Variants in GRIK1 observed in about 807,000 individuals in gnomAD.
The protein encoded by GRIK1 is glutamate ionotropic receptor kainate type subunit 1.
A neutral mutation model predicts 105.7 loss-of-function variants in GRIK1; 69 were observed. The observed-to-expected ratio is 0.65, with a 90% CI of 0.54 to 0.80. The LOEUF is 0.80. Among genes scored for constraint, GRIK1 ranks in the 30% least tolerant of loss-of-function variants. GRIK1 has a pLI of 0.00. For synonymous variants in GRIK1, 438 were observed against 431.3 expected (o/e 1.02, Z -0.19); for missense variants, 1,109 against 1,167.3 (o/e 0.95, Z 0.73).
chr21:29,777,925 G>GA (rs2065992412), intron 1 of GRIK1, among the ~76,000 whole-genome samples: 1 of 152,228 alleles, frequency 6.6e-6, no homozygotes, highest in Non-Finnish European at 1.5e-5. Flanking sequence ...AGAGCTAGAG[G>GA]ATGGAGCCCT....
chr21:29,632,649 A>C (rs1183212103), intron 7 of GRIK1, among the ~76,000 whole-genome samples: 1 of 141,624 alleles, frequency 7.1e-6, no homozygotes, highest in Non-Finnish European at 1.5e-5. Flanking sequence ...GTACACATAC[A>C]TACACACATA....
At chr21:29,930,650 A>G (rs79795705) in intron 1 of GRIK1, among the ~76,000 whole-genome samples, 6,296 of 152,334 alleles carry the variant, frequency 0.041, 216 homozygotes, top group Non-Finnish European at 0.063. Flanking sequence ...GGTAAATTAT[A>G]TTTAAGTACA....
intron 1 of GRIK1, among the ~76,000 whole-genome samples, chr21:29,845,972 T>C (rs1363915234): frequency 2.0e-5 from 3 of 152,186 alleles, no homozygotes; most frequent in Non-Finnish European, 4.4e-5. Flanking sequence ...CTCAGAAGTC[T>C]GTGGATTCAC....
intron 1 of GRIK1, among the ~76,000 whole-genome samples, chr21:29,864,099 A>AT (rs896004888): frequency 0.011 from 1,650 of 143,948 alleles, 10 homozygotes; most frequent in Admixed American, 0.013. Context: ...TATTTAACAG[A>AT]TTTTTTTTTT....
At chr21:29,738,313 C>T (rs7275808) in intron 1 of GRIK1, among the ~76,000 whole-genome samples, 3,079 of 152,292 alleles carry the variant, frequency 0.02, 110 homozygotes, top group African/African-American at 0.071. Flanking sequence ...CTTATAAAGC[C>T]ATCTTTAATA....
intron 1 of GRIK1, among the ~76,000 whole-genome samples, chr21:29,739,224 G>C (rs895808137): frequency 6.6e-6 from 1 of 152,188 alleles, no homozygotes; most frequent in Non-Finnish European, 1.5e-5. Flanking sequence ...AGATAGGATG[G>C]TCCAGGTAGG....
chr21:29,542,082 G>T (rs1292032769), intron 16 of GRIK1, among the ~76,000 whole-genome samples: 2 of 151,906 alleles, frequency 1.3e-5, no homozygotes, highest in Admixed American at 1.3e-4. Flanking sequence ...AAAGGAAATG[G>T]AGAAACACAA....
chr21:29,638,782 T>C (rs2146512435), intron 7 of GRIK1, among the ~76,000 whole-genome samples: 1 of 152,316 alleles, frequency 6.6e-6, no homozygotes, highest in African/African-American at 2.4e-5. Context: ...TGGAAAACTG[T>C]TTTTCATTTT....
At chr21:29,834,662 A>G (rs968097197) in intron 1 of GRIK1, among the ~76,000 whole-genome samples, 2 of 151,270 alleles carry the variant, frequency 1.3e-5, no homozygotes, top group Non-Finnish European at 2.9e-5. Context: ...TCTAATATAT[A>G]ACATAGCAAT....
chr21:29,590,877 AGT>A (rs2061322988), intron 10 of GRIK1, among the ~76,000 whole-genome samples: 1 of 152,132 alleles, frequency 6.6e-6, no homozygotes, highest in African/African-American at 2.4e-5. Flanking sequence ...GGGGACAGAG[AGT>A]GGGGCTGAGC....
intron 4 of GRIK1, among the ~76,000 whole-genome samples, chr21:29,670,834 A>G (rs2063148254): frequency 6.6e-6 from 1 of 152,198 alleles, no homozygotes; most frequent in Non-Finnish European, 1.5e-5. Context: ...TACTGATTGC[A>G]TTTACTTACC....
chr21:29,560,480 T>C (rs994103504), intron 15 of GRIK1, among the ~76,000 whole-genome samples: 35 of 137,488 alleles, frequency 2.5e-4, no homozygotes, highest in Non-Finnish European at 4.8e-4. Flanking sequence ...TTTCTCTCTC[T>C]CCCTTTCTTT....
chr21:29,589,838 G>A (rs1409093795), intron 10 of GRIK1, among the ~76,000 whole-genome samples: 1 of 152,040 alleles, frequency 6.6e-6, no homozygotes, highest in Non-Finnish European at 1.5e-5. Flanking sequence ...AATTTCATCT[G>A]AATTTCACTA....
At chr21:29,806,945 T>C (rs759057628) in intron 1 of GRIK1, among the ~76,000 whole-genome samples, 1 of 152,168 alleles carries the variant, frequency 6.6e-6, no homozygotes, top group Non-Finnish European at 1.5e-5. Flanking sequence ...AGCAAATGTG[T>C]TTTAATATAC....
At chr21:29,813,171 T>C (rs1174025876) in intron 1 of GRIK1, among the ~76,000 whole-genome samples, 4 of 152,074 alleles carry the variant, frequency 2.6e-5, no homozygotes, top group Non-Finnish European at 4.4e-5. Context: ...GCTGCCAAGA[T>C]TTGGTGACAA....
intron 1 of GRIK1, among the ~76,000 whole-genome samples, chr21:29,791,583 T>C (rs963982117): frequency 6.6e-6 from 1 of 152,130 alleles, no homozygotes; most frequent in African/African-American, 2.4e-5. Context: ...TGTTGAACTG[T>C]ATGAAAAGCA....
chr21:29,714,667 T>C (rs2064136978), intron 1 of GRIK1, among the ~76,000 whole-genome samples: 1 of 152,136 alleles, frequency 6.6e-6, no homozygotes, highest in Non-Finnish European at 1.5e-5. Flanking sequence ...AAGATGCAAA[T>C]CAGAGAGCAC....
chr21:29,554,703 A>G (rs1030125439), intron 16 of GRIK1, among the ~76,000 whole-genome samples: 3 of 152,182 alleles, frequency 2.0e-5, no homozygotes, highest in South Asian at 4.1e-4. Flanking sequence ...ATCTTTTTAT[A>G]TCTTTTCCAA....
chr21:29,622,297 A>G (rs1462760477), intron 7 of GRIK1, among the ~76,000 whole-genome samples: 1 of 152,292 alleles, frequency 6.6e-6, no homozygotes, highest in East Asian at 1.9e-4. Flanking sequence ...CTTTTTAAAA[A>G]GTAGTTGTTC....
Sources: allele counts gnomAD v4.1 joint callset (sites outside exome capture counted in the v4.1 genomes callset), GRCh38; gene constraint gnomAD v4.1.1; transcripts MANE v1.5; gene names NCBI Gene and HGNC (gene_info 2026-07-23, HGNC 2026-07-21).